The following METTL15 variants were observed in gnomAD, a reference collection of about 807,000 sequenced individuals.
METTL15 encodes the protein methyltransferase 15, mitochondrial 12S rRNA N4-cytidine, also known as 12S rRNA N(4)-cytidine methyltransferase METTL15.
Under a neutral mutation model 38.3 loss-of-function variants are expected in METTL15, and 34 were observed. The observed-to-expected ratio is 0.89, with a 90% CI of 0.68 to 1.18. The LOEUF (loss-of-function observed/expected upper bound fraction) is 1.18, where lower values mean the gene tolerates loss of function less well. Among genes scored for constraint, METTL15 ranks in the 50% most tolerant of loss-of-function variants. The probability of loss-of-function intolerance (pLI) is 0.00; values close to 1 mark genes in which losing one functional copy is unlikely to be tolerated. For missense variants in METTL15, 438 were observed against 498.4 expected (o/e 0.88, Z 1.15); for synonymous variants, 162 against 170.9 (o/e 0.95, Z 0.41).
downstream of METTL15, among the ~76,000 whole-genome samples, chr11:28,335,173 A>G (rs1328252833): frequency 6.6e-6 from 1 of 152,186 alleles, no homozygotes; most frequent in Non-Finnish European, 1.5e-5. Flanking sequence ...GCACAGGTGA[A>G]GATTTGTATT....
At chr11:28,466,046 GC>G (rs1851254055) in intron 6 of METTL15, among the ~76,000 whole-genome samples, 1 of 152,092 alleles carries the variant, frequency 6.6e-6, no homozygotes. Context: ...CAGAAACTTA[GC>G]TTGAGCTATC....
chr11:28,182,301 T>C (rs1305591545), intron 3 of METTL15, among the ~76,000 whole-genome samples: 1 of 152,148 alleles, frequency 6.6e-6, no homozygotes, highest in African/African-American at 2.4e-5. Flanking sequence ...TGCCATTGCT[T>C]TTGGTATTTT....
At position 28,366,487 on chromosome 11, in the gene METTL15, AG is replaced by A. The variant is rs200476754; in HGVS notation, c.*358+4452del. On this transcript the variant is annotated intron_variant and NMD_transcript_variant, in intron 5 of 7. Coordinates refer to the METTL15 transcript ENST00000532947. ...GAAGCAGATTACAGCTCAATAAAGAAGAAAAAAGTTCATTTTCTGAAGACTA... is the reference window on the plus strand; with the variant it reads ...GAAGCAGATTACAGCTCAATAAAGAAAAAAAAGTTCATTTTCTGAAGACTA... Among the ~76,000 whole-genome samples the A allele has an allele frequency of 3.9e-3, 472 of 120,818 alleles. 2 individuals are homozygous for A. Among genetic ancestry groups the A allele is most frequent in the African/African-American group, 0.012 (454 of 38,944 alleles). The allele number at this position is 120,818 out of a possible 152,430, so 79.3% of individuals were successfully genotyped here.
At chr11:28,370,363 C>T (rs990748616) in intron 5 of METTL15, among the ~76,000 whole-genome samples, 4 of 151,854 alleles carry the variant, frequency 2.6e-5, no homozygotes, top group Non-Finnish European at 4.4e-5. Flanking sequence ...CCTATAGTCC[C>T]ATTGATGTTG....
intron 4 of METTL15, among the ~76,000 whole-genome samples, chr11:28,238,053 G>A (rs1304957381): frequency 6.6e-6 from 1 of 152,188 alleles, no homozygotes; most frequent in African/African-American, 2.4e-5. Flanking sequence ...GGGGGTCAGG[G>A]GTCAGGGACC....
chr11:28,396,940 A>G (rs1020760289), intron 5 of METTL15, among the ~76,000 whole-genome samples: 14 of 150,320 alleles, frequency 9.3e-5, no homozygotes, highest in Non-Finnish European at 1.9e-4. Flanking sequence ...AATACCACAC[A>G]TGTACAACCA....
chr11:28,489,682 G>GGT (rs1851477804), intron 6 of METTL15, among the ~76,000 whole-genome samples: 1 of 152,022 alleles, frequency 6.6e-6, no homozygotes, highest in South Asian at 2.1e-4. Flanking sequence ...TAGCAATTAA[G>GGT]GTGCACACTG....
intron 6 of METTL15, among the ~76,000 whole-genome samples, chr11:28,319,999 C>T (rs558393375): frequency 6.6e-6 from 1 of 152,226 alleles, no homozygotes; most frequent in South Asian, 2.1e-4. Context: ...TTCTTTATAG[C>T]ACTTAATCAC....
At chr11:28,255,328 T>A (rs188364864) in intron 4 of METTL15, among the ~76,000 whole-genome samples, 1 of 152,326 alleles carries the variant, frequency 6.6e-6, no homozygotes, top group African/African-American at 2.4e-5. Flanking sequence ...AATGTGTTTA[T>A]CAGTACTAAT....
chr11:28,195,037 A>AT (rs906110579), intron 3 of METTL15, among the ~76,000 whole-genome samples: 5 of 151,046 alleles, frequency 3.3e-5, no homozygotes, highest in East Asian at 2.0e-4. Context: ...TTTTTTCTTC[A>AT]TTTTTTTTGG....
At chr11:28,217,702 T>G (rs950495744) in intron 4 of METTL15, among the ~76,000 whole-genome samples, 1 of 152,224 alleles carries the variant, frequency 6.6e-6, no homozygotes, top group Non-Finnish European at 1.5e-5. Context: ...GTCTACCATT[T>G]AAGTCTTTAA....
downstream of METTL15, among the ~76,000 whole-genome samples, chr11:28,338,118 A>G (rs1202713260): frequency 6.7e-6 from 1 of 149,244 alleles, no homozygotes; most frequent in Non-Finnish European, 1.5e-5. Flanking sequence ...TGGTTCAGTC[A>G]ATTTTACTTG....
intron 4 of METTL15, among the ~76,000 whole-genome samples, chr11:28,242,212 A>G (rs1031151193): frequency 1.1e-4 from 16 of 152,212 alleles, no homozygotes; most frequent in African/African-American, 3.9e-4. Context: ...TTTGTCAATC[A>G]TTATTAAGTA....
At chr11:28,351,536 C>G (rs1850041672) in intron 3 of METTL15, among the ~76,000 whole-genome samples, 1 of 152,194 alleles carries the variant, frequency 6.6e-6, no homozygotes, top group South Asian at 2.1e-4. Flanking sequence ...ATTGGGAAGT[C>G]AATGAGTTAA....
intron 5 of METTL15, among the ~76,000 whole-genome samples, chr11:28,390,723 G>T (rs141878040): frequency 0.35 from 53,126 of 151,350 alleles, 9,632 homozygotes; most frequent in East Asian, 0.44. Flanking sequence ...CTCTTTTTTG[G>T]TTCCATATGC....
chr11:28,410,779 A>G (rs1194187815), intron 5 of METTL15: 3 of 152,092 alleles, frequency 2.0e-5, no homozygotes, highest in Non-Finnish European at 4.4e-5. Context: ...AAGAAAAATT[A>G]CACAAGAAAA....
At chr11:28,416,333 C>G (rs1214297096) in intron 5 of METTL15, among the ~76,000 whole-genome samples, 1 of 152,154 alleles carries the variant, frequency 6.6e-6, no homozygotes, top group Non-Finnish European at 1.5e-5. Flanking sequence ...GAGTGGGACA[C>G]TCTGAGAAAA....
intron 6 of METTL15, among the ~76,000 whole-genome samples, chr11:28,510,243 AAAG>A (rs1851663250): frequency 6.6e-6 from 1 of 152,224 alleles, no homozygotes; most frequent in Non-Finnish European, 1.5e-5. Context: ...GCTAACAAAA[AAAG>A]AAATGGAATA....
chr11:28,130,445 C>T (rs1009569461), intron 3 of METTL15, among the ~76,000 whole-genome samples: 3 of 151,986 alleles, frequency 2.0e-5, no homozygotes, highest in East Asian at 1.9e-4. Flanking sequence ...AATAGTCATA[C>T]TATTTGAAAA....
Sources: allele counts gnomAD v4.1 joint callset (sites outside exome capture counted in the v4.1 genomes callset), GRCh38; gene constraint gnomAD v4.1.1; transcripts MANE v1.5; gene names NCBI Gene and HGNC (gene_info 2026-07-23, HGNC 2026-07-21).